Variants in PNPT1 observed in about 807,000 individuals in gnomAD.
PNPT1 encodes the protein polyribonucleotide nucleotidyltransferase 1.
Under a neutral mutation model 119.5 loss-of-function variants are expected in PNPT1, and 53 were observed. The ratio of observed to expected loss-of-function variants is 0.44; its 90% CI spans 0.36 to 0.56. The LOEUF (loss-of-function observed/expected upper bound fraction) is 0.56. Among genes scored for constraint, PNPT1 ranks in the 20% least tolerant of loss-of-function variants. PNPT1 has a pLI of 0.00. For synonymous variants in PNPT1, 357 were observed against 322.1 expected (o/e 1.11, Z -1.16); for missense variants, 948 against 938.5 (o/e 1.01, Z -0.13).
chr2:55,693,475 T>A (rs78670375), intron 1 of PNPT1, among the ~76,000 whole-genome samples, 188 bp downstream of exon 1: 1 of 151,844 alleles, frequency 6.6e-6, no homozygotes, highest in Non-Finnish European at 1.5e-5. Context: ...GAGAACGACA[T>A]AGCGCGGGAA....
intron 17 of PNPT1, among the ~76,000 whole-genome samples, 156 bp from the exon 18 acceptor site, chr2:55,655,109 T>A (rs1281573702): frequency 6.6e-6 from 1 of 152,200 alleles, no homozygotes; most frequent in Admixed American, 6.5e-5. Context: ...TTTTAAGCTA[T>A]AAACTATGGG....
chr2:55,635,532 C>T lies in PNPT1; in HGVS notation c.*705G>A, dbSNP rs1018485041. ...GTTTCACCGTGTTAGCCAGGATGGT[C>T]TCGATCTCCTGATCTCATGATCCGC... On this transcript the variant is annotated 3_prime_UTR_variant, in exon 28 of 28. Coordinates refer to ENST00000447944, the MANE Select transcript of PNPT1 (RefSeq NM_033109.5). The T allele has an allele frequency of 4.6e-5, 7 of 152,176 alleles. No homozygotes were observed. Among genetic ancestry groups the T allele is most frequent in the African/African-American group, 1.4e-4 (6 of 41,426 alleles). The allele number at this position is 152,176 out of a possible 1,614,324, so 9.4% of individuals were successfully genotyped here.
rs1389153578 is a variant in PNPT1 at position 55,637,523 on chromosome 2, T to C, written c.2196+29A>G. Reference sequence around the variant, plus strand: ...GGAAGCTTCAAGAACAATTTACAACTTCAAGGCTAAAAGGTGGAATACAAA... The same window carrying C: ...GGAAGCTTCAAGAACAATTTACAACCTCAAGGCTAAAAGGTGGAATACAAA... On this transcript the variant is annotated intron_variant, in intron 27 of 27. Transcript: ENST00000447944. 4 of 1,565,706 alleles carry C rather than the reference T, an allele frequency of 2.6e-6. No individual in the cohort carries two copies. In the Admixed American group the frequency reaches 6.7e-5, roughly 26 times the overall value.
At chr2:55,687,230 A>AAG in intron 2 of PNPT1, among the ~76,000 whole-genome samples, 1 of 150,360 alleles carries the variant, frequency 6.7e-6, no homozygotes, top group East Asian at 2.0e-4. Context: ...AAAAAAAAAA[A>AAG]AGAGATCGAG....
intron 25 of PNPT1, among the ~76,000 whole-genome samples, chr2:55,641,412 G>T (rs1695831173): frequency 1.3e-5 from 2 of 151,412 alleles, no homozygotes; most frequent in African/African-American, 4.9e-5. Flanking sequence ...GGGATTACAG[G>T]CATGTGCCAC....
chr2:55,643,140 T>G lies in PNPT1; in HGVS notation c.2069+18A>C. The G allele has an allele frequency of 6.2e-7, 1 of 1,612,968 alleles. No individual in the cohort carries two copies. The highest frequency in any genetic ancestry group is 1.1e-5 in the South Asian group (1 of 91,060). ...AAAGAAAGGAAAATGCTCAGCATAG[T>G]ATATTACTTGATATTACCTGATTTC... On this transcript the variant is annotated intron_variant, in intron 25 of 27. Coordinates refer to ENST00000447944, the MANE Select transcript of PNPT1 (RefSeq NM_033109.5).
chr2:55,659,963 T>G (rs531739199), intron 15 of PNPT1, among the ~76,000 whole-genome samples, 194 bp downstream of exon 15: 2 of 152,118 alleles, frequency 1.3e-5, no homozygotes, highest in South Asian at 4.1e-4. Context: ...AATTAGCCAA[T>G]TGTGGTTGCA....
chr2:55,685,689 A>C (rs1697384741), intron 3 of PNPT1, among the ~76,000 whole-genome samples: 1 of 152,198 alleles, frequency 6.6e-6, no homozygotes, highest in Non-Finnish European at 1.5e-5. Flanking sequence ...GGGAGCTATA[A>C]AATTCTCATG....
At chr2:55,677,569 C>G (rs1488736504) in intron 8 of PNPT1, among the ~76,000 whole-genome samples, 1 of 126,488 alleles carries the variant, frequency 7.9e-6, no homozygotes, top group Non-Finnish European at 1.6e-5. Context: ...ACTCCTCCAC[C>G]CTGGGCAACA....
intron 4 of PNPT1, among the ~76,000 whole-genome samples, 167 bp from the exon 5 acceptor site, chr2:55,684,001 T>C (rs1697323883): frequency 6.6e-6 from 1 of 152,134 alleles, no homozygotes; most frequent in African/African-American, 2.4e-5. Context: ...CATTATTACA[T>C]ACCATGCCCT....
chr2:55,687,120 A>C (rs1446694443), intron 2 of PNPT1, among the ~76,000 whole-genome samples: 1 of 150,198 alleles, frequency 6.7e-6, no homozygotes, highest in Non-Finnish European at 1.5e-5. Context: ...AGGCTGAGGC[A>C]GGAGAATGGC....
intron 8 of PNPT1, among the ~76,000 whole-genome samples, chr2:55,677,502 G>A (rs903518988): frequency 4.2e-5 from 6 of 142,004 alleles, no homozygotes; most frequent in Admixed American, 1.5e-4. Flanking sequence ...ACTGAGGCAG[G>A]AGAATCACTT....
intron 8 of PNPT1, among the ~76,000 whole-genome samples, chr2:55,673,670 A>C (rs1321487427): frequency 6.6e-6 from 1 of 152,048 alleles, no homozygotes; most frequent in Admixed American, 6.5e-5. Context: ...GGATGGTCTC[A>C]ATCTCCTGAC....
intron 1 of PNPT1, among the ~76,000 whole-genome samples, chr2:55,690,662 T>A (rs1697568233): frequency 6.6e-6 from 1 of 152,234 alleles, no homozygotes; most frequent in Admixed American, 6.5e-5. Context: ...ATACAATGAT[T>A]TTGTAGTATC....
intron 12 of PNPT1, among the ~76,000 whole-genome samples, chr2:55,667,458 G>A (rs1214707342): frequency 6.6e-6 from 1 of 151,992 alleles, no homozygotes; most frequent in Admixed American, 6.6e-5. Context: ...GCTGGGCATG[G>A]TGGTGGGCAC....
At chr2:55,687,031 G>A (rs1396817575) in intron 2 of PNPT1, among the ~76,000 whole-genome samples, 2 of 151,896 alleles carry the variant, frequency 1.3e-5, no homozygotes, top group Non-Finnish European at 2.9e-5. Flanking sequence ...TGGCTAACAC[G>A]GTGAAACCTC....
chr2:55,679,640 T>C, intron 8 of PNPT1, 42 bp downstream of exon 8: 1 of 1,370,564 alleles, frequency 7.3e-7, no homozygotes, highest in Non-Finnish European at 1.0e-6. Flanking sequence ...CCAGAACTTG[T>C]AAGTAAAATC....
intron 18 of PNPT1, among the ~76,000 whole-genome samples, chr2:55,648,091 T>G (rs1370199857): frequency 6.6e-6 from 1 of 152,204 alleles, no homozygotes; most frequent in Non-Finnish European, 1.5e-5. Flanking sequence ...ATTTGGTAAA[T>G]TCTTCCAGCC....
intron 11 of PNPT1, 149 bp from the exon 12 acceptor site, chr2:55,668,107 T>C: frequency 1.5e-6 from 1 of 663,236 alleles, no homozygotes; most frequent in Non-Finnish European, 2.5e-6. Context: ...ACAAAGTAGA[T>C]AAATTAAATG....
Sources: gnomAD v4.1 joint callset for allele counts (sites outside exome capture counted in the v4.1 genomes callset) on GRCh38, gnomAD v4.1.1 for gene constraint, MANE v1.5 for transcripts, NCBI Gene and HGNC (gene_info 2026-07-23, HGNC 2026-07-21) for gene names.